The following LRRC49 variants were observed in gnomAD, a reference collection of about 807,000 sequenced individuals.
The protein encoded by LRRC49 is leucine-rich repeat-containing protein 49.
LRRC49 carries 50 observed loss-of-function variants against 83.3 expected under a neutral mutation model. The ratio of observed to expected loss-of-function variants is 0.60; its 90% CI spans 0.48 to 0.76. The LOEUF is 0.76. LRRC49 is among the 30% of genes least tolerant of loss of function. The pLI, the probability that LRRC49 is intolerant of heterozygous loss-of-function variation, is 0.00. For synonymous variants in LRRC49, 286 were observed against 283.3 expected, an observed-to-expected ratio of 1.01 and a Z score of -0.10; for missense variants, 704 against 809.1, an observed-to-expected ratio of 0.87 and a Z score of 1.58.
At chr15:70,867,862 T>A (rs140838712) in intron 1 of LRRC49, among the ~76,000 whole-genome samples, 1 of 152,244 alleles carries the variant, frequency 6.6e-6, no homozygotes, top group East Asian at 2.0e-4. Flanking sequence ...ATTGGGGTCC[T>A]GCTTCTGAGA....
intron 7 of LRRC49, 108 bp downstream of exon 7, chr15:70,919,301 G>GT (rs2034916746): frequency 6.9e-6 from 7 of 1,007,808 alleles, no homozygotes; most frequent in Non-Finnish European, 5.7e-6. Context: ...GGTTATTTAG[G>GT]TTTTTTCTGA....
chr15:70,994,302 A>C (rs1036241671), intron 11 of LRRC49, among the ~76,000 whole-genome samples: 6 of 152,140 alleles, frequency 3.9e-5, no homozygotes, highest in Non-Finnish European at 8.8e-5. Flanking sequence ...ATATGTGCAC[A>C]TATTTCTGGA....
intron 3 of LRRC49, among the ~76,000 whole-genome samples, chr15:70,899,159 G>A (rs145392619): frequency 1.3e-5 from 2 of 152,228 alleles, no homozygotes; most frequent in Non-Finnish European, 2.9e-5. Flanking sequence ...TTAATCTTTG[G>A]TTATTGCCTC....
chr15:70,887,450 G>C (rs1013261575), upstream of LRRC49, among the ~76,000 whole-genome samples: 6 of 152,088 alleles, frequency 3.9e-5, no homozygotes, highest in Non-Finnish European at 7.4e-5. Context: ...TTTTAGCCAT[G>C]CAAGTTTGAC....
intron 14 of LRRC49, among the ~76,000 whole-genome samples, chr15:71,036,289 T>TCGAC (rs2039516900): frequency 6.6e-6 from 1 of 152,210 alleles, no homozygotes; most frequent in South Asian, 2.1e-4. Flanking sequence ...ATTCTGTAGG[T>TCGAC]CACCTTTTCA....
At chr15:70,905,258 C>T (rs185925439) in intron 5 of LRRC49, among the ~76,000 whole-genome samples, 161 of 152,316 alleles carry the variant, frequency 1.1e-3, no homozygotes, top group African/African-American at 3.7e-3. Context: ...TGCAACTATA[C>T]AGTTCTTGAC....
At chr15:70,933,477 T>C (rs1252775461) in intron 7 of LRRC49, among the ~76,000 whole-genome samples, 1 of 152,168 alleles carries the variant, frequency 6.6e-6, no homozygotes, top group Admixed American at 6.5e-5. Flanking sequence ...GTAAAATAAA[T>C]ACTTTTTCTT....
chr15:70,862,572 C>T (rs556342715), intron 1 of LRRC49, among the ~76,000 whole-genome samples: 10 of 99,266 alleles, frequency 1.0e-4, no homozygotes, highest in East Asian at 5.6e-4. Context: ...AGCAAGACTC[C>T]GTCTCAAAAA....
At chr15:70,941,089 G>A (rs533674624) in intron 8 of LRRC49, among the ~76,000 whole-genome samples, 1 of 152,264 alleles carries the variant, frequency 6.6e-6, no homozygotes, top group Non-Finnish European at 1.5e-5. Flanking sequence ...GGCATATAGT[G>A]CCTTAGTAGG....
At chr15:70,960,962 T>C (rs930881341) in intron 8 of LRRC49, among the ~76,000 whole-genome samples, 3 of 152,188 alleles carry the variant, frequency 2.0e-5, no homozygotes, top group African/African-American at 7.2e-5. Context: ...ACATCTGTTC[T>C]GTGAAAGACA....
At chr15:70,932,186 A>G (rs1357949852) in intron 7 of LRRC49, among the ~76,000 whole-genome samples, 1 of 152,318 alleles carries the variant, frequency 6.6e-6, no homozygotes, top group East Asian at 1.9e-4. Context: ...TACAAAAACC[A>G]GATAAACCCA....
chr15:71,015,683 A>G (rs2038803849), intron 14 of LRRC49, among the ~76,000 whole-genome samples: 1 of 152,226 alleles, frequency 6.6e-6, no homozygotes, highest in Non-Finnish European at 1.5e-5. Context: ...GAGTTCTTAC[A>G]TACTTTTGGT....
chr15:70,961,801 G>A (rs1338055105), intron 8 of LRRC49, among the ~76,000 whole-genome samples: 3 of 152,154 alleles, frequency 2.0e-5, no homozygotes, highest in African/African-American at 4.8e-5. Flanking sequence ...GTCATGAAAC[G>A]GTTCTCTAAG....
At position 70,884,035 on chromosome 15, in the gene LRRC49, A is replaced by G. The variant is rs368599715; in HGVS notation, c.19-9549A>G. Among the ~76,000 whole-genome samples the G allele has an allele frequency of 1.7e-4, 26 of 152,270 alleles. No homozygotes were observed. The East Asian group carries it at 2.9e-3, about 17-fold the overall frequency. ...GTTTTGATATGTAAAAGGTAATATA[A>G]GACAGGGTACCTAGAGATTATGTGG... On this transcript the variant is annotated intron_variant, in intron 2 of 16. Transcript: ENST00000544974.
At position 70,859,797 on chromosome 15, in the gene LRRC49, G is replaced by A. The variant is rs1313557145; in HGVS notation, c.-299+6328G>A. 5.3e-6 allele frequency: 4 copies of A among 749,716 alleles called. No homozygotes were observed. In the East Asian group the frequency reaches 1.0e-4, roughly 19 times the overall value. 46.4% of individuals were successfully genotyped at this position (749,716 alleles called of 1,614,324 possible). On this transcript the variant is annotated intron_variant, in intron 1 of 16. Coordinates refer to the LRRC49 transcript ENST00000544974. ...TCCGAGCTGGAGGCCTCTCTGCAAT[G>A]GGCCAGGCAGGATATGGTGTGGCAG...
At chr15:70,877,992 G>C (rs2033187174) in intron 2 of LRRC49, among the ~76,000 whole-genome samples, 1 of 152,116 alleles carries the variant, frequency 6.6e-6, no homozygotes, top group Admixed American at 6.5e-5. Context: ...AATTAGCCGG[G>C]TGTGGTGGCG....
Position 70,945,519 on chromosome 15 carries a change from CTGTGTGTGTG to C in LRRC49, c.773+8735_773+8744del, listed in dbSNP as rs749607668. Among the ~76,000 whole-genome samples, 523 of 135,874 alleles carry C rather than the reference CTGTGTGTGTG, an allele frequency of 3.8e-3. 2 individuals carry two copies. The highest frequency in any genetic ancestry group is 0.015 in the South Asian group (61 of 3,990). The allele number at this position is 135,874 out of a possible 152,430, so 89.1% of individuals were successfully genotyped here. On this transcript the variant is annotated intron_variant, in intron 8 of 15. Transcript: ENST00000260382. Reference sequence around the variant, plus strand: ...ATACATTCTTTCTGTATTTAACAACCTGTGTGTGTGTGTGTGTGTGTGTGTGTGTGTGTGT... The same window carrying C: ...ATACATTCTTTCTGTATTTAACAACCTGTGTGTGTGTGTGTGTGTGTGTGT...
chr15:70,969,545 G>T (rs2036915884), intron 9 of LRRC49, among the ~76,000 whole-genome samples: 1 of 152,240 alleles, frequency 6.6e-6, no homozygotes, highest in African/African-American at 2.4e-5. Context: ...GATGGGATTA[G>T]CATTAAATAT....
rs527388431 is a variant in LRRC49, at chr15:71,018,550, T to A, written c.1703+5637T>A. 8.5e-5 allele frequency among the ~76,000 whole-genome samples: 13 copies of A among 152,248 alleles called. No individual in the cohort carries two copies. In the East Asian group the frequency reaches 2.5e-3, roughly 29 times the overall value. On this transcript the variant is annotated intron_variant, in intron 14 of 15. Transcript: ENST00000260382. Reference sequence around the variant, plus strand: ...AAAATGAGAACATTGAGAATTAAGGTAGACACAAAGCTCTTAGAACCGAAC... The same window carrying A: ...AAAATGAGAACATTGAGAATTAAGGAAGACACAAAGCTCTTAGAACCGAAC...
Sources: gnomAD v4.1 joint callset for allele counts (sites outside exome capture counted in the v4.1 genomes callset) on GRCh38, gnomAD v4.1.1 for gene constraint, MANE v1.5 for transcripts, NCBI Gene and HGNC (gene_info 2026-07-23, HGNC 2026-07-21) for gene names.